Variants in WRN observed in about 807,000 individuals in gnomAD.
WRN encodes the protein WRN RecQ like helicase, also known as bifunctional 3'-5' exonuclease/ATP-dependent helicase WRN.
A neutral mutation model predicts 180.7 loss-of-function variants in WRN; 149 were observed. That is an observed-to-expected ratio of 0.82 (90% CI 0.72 to 0.94). The LOEUF (loss-of-function observed/expected upper bound fraction) is 0.94. Ranked by LOEUF, WRN falls within the 40% of genes least tolerant of loss-of-function variation. The pLI, the probability that WRN is intolerant of heterozygous loss-of-function variation, is 0.00. For synonymous variants in WRN, 548 were observed against 568.9 expected (o/e 0.96, Z 0.52); for missense variants, 1,661 against 1,700.1 (o/e 0.98, Z 0.40).
chr8:31,087,100 A>G (rs2130151120), intron 11 of WRN, among the ~76,000 whole-genome samples: 1 of 152,284 alleles, frequency 6.6e-6, no homozygotes, highest in East Asian at 1.9e-4. Flanking sequence ...TAAAAGATTT[A>G]ATAAAAAGAG....
At chr8:31,143,808 C>G (rs928173441) in intron 28 of WRN, among the ~76,000 whole-genome samples, 185 bp downstream of exon 28, 3 of 152,026 alleles carry the variant, frequency 2.0e-5, no homozygotes, top group African/African-American at 7.2e-5. Context: ...TAATAGCTAA[C>G]ACTTCTTGGA....
rs141615988 is a variant in WRN, at chr8:31,076,186, A to C, written c.738A>C (p.Leu246=). The C allele has an allele frequency of 3.1e-6, 5 of 1,613,644 alleles. No homozygotes were observed. The African/African-American group carries it at 4.0e-5, about 13-fold the overall frequency. ...TTTTCCCCCTAGAGGAAGAAATCCT[A>C]CTTAGCGACATGAACAAACAGTTGA... ...RFAINKEEEI[L]LSDMNKQLTS... Residue 246 remains leucine (L), a synonymous_variant, in exon 8 of 35, where the codon CTA becomes CTC. Coordinates refer to ENST00000298139, the MANE Select transcript of WRN (RefSeq NM_000553.6).
chr8:31,167,333 T>TTAA, intron 34 of WRN, 103 bp downstream of exon 34: 1 of 957,166 alleles, frequency 1.0e-6, no homozygotes, highest in East Asian at 2.6e-5. Flanking sequence ...AATTCTGATA[T>TTAA]GATTACTTTC....
At chr8:31,072,306 A>C (rs1473561061) in intron 7 of WRN, among the ~76,000 whole-genome samples, 1 of 152,260 alleles carries the variant, frequency 6.6e-6, no homozygotes, top group Non-Finnish European at 1.5e-5. Flanking sequence ...TGCGCCAATC[A>C]TTTGTAATCT....
At chr8:31,083,562 A>T in intron 9 of WRN, 137 bp from the exon 10 acceptor site, 1 of 461,608 alleles carries the variant, frequency 2.2e-6, no homozygotes. Context: ...TCATATAAAT[A>T]TGTAAATATA....
rs750355171 is a variant in WRN, at chr8:31,068,343, TAAATA to T, written c.724+21_724+25del. 1.6e-4 allele frequency: 249 copies of T among 1,584,684 alleles called. No individual in the cohort carries two copies. Among genetic ancestry groups the T allele is most frequent in the Non-Finnish European group, 2.0e-4 (233 of 1,155,640 alleles). On this transcript the variant is annotated intron_variant, in intron 7 of 34. Transcript: ENST00000298139. Reference sequence around the variant, plus strand: ...ATAAATAAAGGTATGTTAAGATCCATAAATAAAATGTGAATTCACTCTTTTGTGAG... The same window carrying T: ...ATAAATAAAGGTATGTTAAGATCCATAAATGTGAATTCACTCTTTTGTGAG...
At chr8:31,073,291 G>A (rs757254756) in intron 7 of WRN, among the ~76,000 whole-genome samples, 2 of 152,196 alleles carry the variant, frequency 1.3e-5, no homozygotes, top group African/African-American at 2.4e-5. Flanking sequence ...ATGAGAAGTC[G>A]TAGCTTCTGT....
intron 26 of WRN, 140 bp from the exon 27 acceptor site, chr8:31,142,486 G>GAA: frequency 8.6e-6 from 5 of 584,526 alleles, no homozygotes; most frequent in Non-Finnish European, 1.3e-5. Flanking sequence ...GCTTTTTCTA[G>GAA]AAAAAAAAAT....
In WRN at chr8:31,091,882, C is replaced by A. The variant is rs77969734; in HGVS notation, c.1882C>A (p.Leu628Ile). The change falls in exon 16 of 35, where the codon CTA becomes ATA. Residue 628 changes from leucine (L) to isoleucine (I), a missense_variant. Leu to Ile is a conservative substitution (Grantham distance 5). Transcript: ENST00000298139. ...TGGATCAGCACAGTCAGAAAATGTT[C>A]TAACAGATATTAAATTGTGAGTAAT... is the stretch of plus-strand genomic sequence containing the variant. ...FLGSAQSENV[L>I]TDIKLGKYRI... 10 of 1,612,944 alleles carry A rather than the reference C, an allele frequency of 6.2e-6. No homozygotes were observed. The highest frequency in any genetic ancestry group is 1.7e-4 in the Middle Eastern group (1 of 6,048).
rs1804175140 is a variant in WRN at position 31,173,447 on chromosome 8, G to T, written c.*345G>T. On this transcript the variant is annotated 3_prime_UTR_variant, in exon 35 of 35. Coordinates refer to ENST00000298139, the MANE Select transcript of WRN (RefSeq NM_000553.6). ...ATTTGATATAGATAACAGATTAGTAGTTACATGGTAATTATGTGATATAAA... is the reference window on the plus strand; with the variant it reads ...ATTTGATATAGATAACAGATTAGTATTTACATGGTAATTATGTGATATAAA... 1 of 246,712 alleles carries T rather than the reference G, an allele frequency of 4.1e-6. No homozygotes were observed. The highest frequency in any genetic ancestry group is 7.9e-6 in the Non-Finnish European group (1 of 125,810). 15.3% of individuals were successfully genotyped at this position (246,712 alleles called of 1,614,324 possible). A position where few individuals can be genotyped will look rare whatever the true frequency, so the allele number is the denominator to read the frequency against.
chr8:31,174,312 G>T lies in WRN; in HGVS notation c.*1210G>T, dbSNP rs374070694. Among the ~76,000 whole-genome samples, 55 of 152,296 alleles carry T rather than the reference G, an allele frequency of 3.6e-4. 1 individual carries two copies. The South Asian group carries it at 0.011, about 30-fold the overall frequency. On this transcript the variant is annotated 3_prime_UTR_variant, in exon 35 of 35. Transcript: ENST00000298139. ...TCCTGTGTGATGGAGTGGCAAGTACGCACAGACACGTCTGCTGCATGCCTA... is the reference window on the plus strand; with the variant it reads ...TCCTGTGTGATGGAGTGGCAAGTACTCACAGACACGTCTGCTGCATGCCTA...
chr8:31,090,692 T>A, intron 14 of WRN, 142 bp from the exon 15 acceptor site: 1 of 1,037,652 alleles, frequency 9.6e-7, no homozygotes, highest in Non-Finnish European at 1.4e-6. Flanking sequence ...GATTTATGTA[T>A]CAATTAGCTT....
intron 30 of WRN, among the ~76,000 whole-genome samples, chr8:31,147,884 ATTTT>A (rs367782924): frequency 6.3e-5 from 8 of 126,878 alleles, no homozygotes; most frequent in Admixed American, 2.5e-4. Flanking sequence ...CTTCTTCTTC[ATTTT>A]TTTTTTTTTT....
intron 33 of WRN, among the ~76,000 whole-genome samples, chr8:31,163,601 T>G (rs1803722513): frequency 6.6e-6 from 1 of 152,140 alleles, no homozygotes; most frequent in Non-Finnish European, 1.5e-5. Context: ...TGAAACAAAT[T>G]AACTTATTTA....
intron 31 of WRN, among the ~76,000 whole-genome samples, chr8:31,150,956 C>G (rs2130456320): frequency 6.6e-6 from 1 of 152,214 alleles, no homozygotes; most frequent in African/African-American, 2.4e-5. Flanking sequence ...ATTGCTTGTT[C>G]TGCCCTAAGT....
At chr8:31,141,913 T>C (rs1047849343) in intron 26 of WRN, 138 bp downstream of exon 26, 1 of 835,550 alleles carries the variant, frequency 1.2e-6, no homozygotes. Flanking sequence ...TTAGTCAGTT[T>C]GGGGGAAGGG....
chr8:31,150,496 A>G, intron 31 of WRN, 41 bp downstream of exon 31: 1 of 1,572,520 alleles, frequency 6.4e-7, no homozygotes, highest in Non-Finnish European at 8.8e-7. Context: ...GAGAATAAGC[A>G]TTTTTTGTAA....
chr8:31,156,904 T>C (rs1803406615), intron 32 of WRN, among the ~76,000 whole-genome samples: 1 of 152,238 alleles, frequency 6.6e-6, no homozygotes, highest in African/African-American at 2.4e-5. Context: ...TTTTATAGAA[T>C]GCATCTGGAG....
intron 12 of WRN, among the ~76,000 whole-genome samples, chr8:31,088,305 A>C (rs1488116483): frequency 6.6e-6 from 1 of 152,140 alleles, no homozygotes; most frequent in African/African-American, 2.4e-5. Context: ...CTCACTGTGG[A>C]CAGGGAAAGT....
Sources: allele counts gnomAD v4.1 joint callset (sites outside exome capture counted in the v4.1 genomes callset), GRCh38; gene constraint gnomAD v4.1.1; transcripts MANE v1.5; gene names NCBI Gene and HGNC (gene_info 2026-07-23, HGNC 2026-07-21).